TMX2: variants seen among roughly 807,000 people sequenced by gnomAD.
The protein encoded by TMX2 is thioredoxin related transmembrane protein 2.
A neutral mutation model predicts 33.4 loss-of-function variants in TMX2; 20 were observed. That is an observed-to-expected ratio of 0.60 (90% CI 0.42 to 0.87). TMX2 has a LOEUF of 0.87. Among genes scored for constraint, TMX2 ranks in the 40% least tolerant of loss-of-function variants. TMX2 has a pLI of 0.00. For synonymous variants in TMX2, 166 were observed against 140.7 expected, an observed-to-expected ratio of 1.18 and a Z score of -1.27; for missense variants, 340 against 370.7, an observed-to-expected ratio of 0.92 and a Z score of 0.68.
At chr11:57,730,098 C>T (rs1324654077) in intron 1 of TMX2, among the ~76,000 whole-genome samples, 6 of 142,112 alleles carry the variant, frequency 4.2e-5, no homozygotes, top group South Asian at 2.3e-4. Context: ...AGCAAGACTC[C>T]GTTTCCCCCC....
intron 1 of TMX2, among the ~76,000 whole-genome samples, chr11:57,734,945 C>T (rs569537675): frequency 6.6e-6 from 1 of 150,978 alleles, no homozygotes; most frequent in Non-Finnish European, 1.5e-5. Context: ...ACCATCCTGG[C>T]CAACGTGGTG....
intron 1 of TMX2, among the ~76,000 whole-genome samples, chr11:57,715,061 T>G (rs1946886450): frequency 6.6e-6 from 1 of 152,202 alleles, no homozygotes; most frequent in South Asian, 2.1e-4. Context: ...TCAGAAACCT[T>G]TATTTGTCAG....
intron 1 of TMX2, among the ~76,000 whole-genome samples, chr11:57,735,530 T>C (rs1238037198): frequency 6.6e-6 from 1 of 152,048 alleles, no homozygotes; most frequent in Non-Finnish European, 1.5e-5. Context: ...TTATTTCTCA[T>C]AAAAAGTTGC....
intron 1 of TMX2, among the ~76,000 whole-genome samples, chr11:57,736,461 T>C (rs1431434649): frequency 6.6e-6 from 1 of 152,136 alleles, no homozygotes; most frequent in Admixed American, 6.5e-5. Flanking sequence ...AAGAAGGTTG[T>C]TCTAGAAGGT....
chr11:57,738,555 T>G (rs1287394009), intron 4 of TMX2, 109 bp from the exon 5 acceptor site: 13 of 1,243,862 alleles, frequency 1.0e-5, no homozygotes, highest in Admixed American at 3.4e-5. Flanking sequence ...TGGTTCATTA[T>G]GAGAGCCGGG....
intron 7 of TMX2, 116 bp downstream of exon 7, chr11:57,739,376 A>T: frequency 5.1e-6 from 5 of 974,668 alleles, no homozygotes; most frequent in Non-Finnish European, 7.9e-6. Context: ...GAGGGTGTGG[A>T]CTAGTTACTA....
At chr11:57,738,315 C>T (rs769057440) in intron 3 of TMX2, 39 bp from the exon 4 acceptor site, 41 of 1,473,476 alleles carry the variant, frequency 2.8e-5, no homozygotes, top group Non-Finnish European at 3.6e-5. Context: ...CTGTGTAAGG[C>T]TTTTTATGTT....
chr11:57,723,907 G>A (rs1947805081), intron 1 of TMX2, among the ~76,000 whole-genome samples: 1 of 149,414 alleles, frequency 6.7e-6, no homozygotes, highest in African/African-American at 2.5e-5. Context: ...TTTTAAAAAG[G>A]AAAACAAAAC....
At chr11:57,728,310 C>T (rs1002063661) in intron 1 of TMX2, among the ~76,000 whole-genome samples, 1 of 152,122 alleles carries the variant, frequency 6.6e-6, no homozygotes, top group Non-Finnish European at 1.5e-5. Context: ...CTACAGGCGC[C>T]CGCCACCATG....
At chr11:57,716,184 C>T (rs371039434) in intron 1 of TMX2, among the ~76,000 whole-genome samples, 5 of 151,682 alleles carry the variant, frequency 3.3e-5, no homozygotes, top group Admixed American at 6.6e-5. Context: ...CCTCACCTCC[C>T]GGACCGGGCG....
At chr11:57,717,256 C>T (rs541204480) in intron 1 of TMX2, among the ~76,000 whole-genome samples, 31 of 147,378 alleles carry the variant, frequency 2.1e-4, no homozygotes, top group South Asian at 4.3e-4. Flanking sequence ...ACGTCCCAGA[C>T]GATGGGCGGC....
intron 1 of TMX2, 150 bp downstream of exon 1, chr11:57,712,957 A>G: frequency 1.2e-6 from 1 of 809,862 alleles, no homozygotes; most frequent in Non-Finnish European, 1.9e-6. Context: ...GGTCCGAACC[A>G]TCATCGAGTC....
At chr11:57,717,916 G>T in intron 1 of TMX2, 1 of 643,108 alleles carries the variant, frequency 1.6e-6, no homozygotes. Flanking sequence ...GGAACCCAAA[G>T]GGAACTGCAG....
rs151235817 is a variant in TMX2 at position 57,712,698 on chromosome 11, T to A, written c.80T>A (p.Leu27His). 6.2e-7 allele frequency: 1 copy of A among 1,614,064 alleles called. No individual in the cohort carries two copies. Among genetic ancestry groups the A allele is most frequent in the African/African-American group, 1.3e-5 (1 of 74,926 alleles). The change falls in exon 1 of 8, where the codon CTT becomes CAT. Residue 27 changes from leucine to histidine, a missense_variant. By Grantham distance (99) the Leu-to-His change is moderately conservative. Transcript: ENST00000278422. ...LSRWLAQPYY[L>H]LSALLSAAFL... The stretch of plus-strand genomic sequence containing the variant: ...CGATGGCTCGCCCAACCTTACTACC[T>A]TCTGTCGGCCCTGCTCTCTGCTGCC...
Position 57,739,150 on chromosome 11 carries a change from C to A in TMX2, c.634C>A (p.Pro212Thr), listed in dbSNP as rs138945359. The A allele has an allele frequency of 1.7e-5, 28 of 1,614,092 alleles. No individual in the cohort carries two copies. The highest frequency in any genetic ancestry group is 2.4e-5 in the Non-Finnish European group (28 of 1,180,014). The change falls in exon 7 of 8, where the codon CCC (proline) becomes ACC (threonine). Residue 212 changes from proline to threonine, a missense_variant. Coordinates refer to ENST00000278422, the MANE Select transcript of TMX2 (RefSeq NM_015959.4). Reference protein sequence around the residue: ...VSTRYKVSTSPLTKQLPTLIL... With the variant: ...VSTRYKVSTSTLTKQLPTLIL... Reference sequence around the variant, plus strand: ...CTGCAGGTACAAAGTGAGCACATCACCCCTCACCAAGCAACTCCCTACCCT... The same window carrying A: ...CTGCAGGTACAAAGTGAGCACATCAACCCTCACCAAGCAACTCCCTACCCT...
intron 2 of TMX2, 110 bp downstream of exon 2, chr11:57,737,778 A>C (rs1948844053): frequency 6.3e-7 from 1 of 1,587,980 alleles, no homozygotes; most frequent in African/African-American, 1.3e-5. Context: ...CCTACGTTTA[A>C]TTCCAAGGCT....
intron 1 of TMX2, among the ~76,000 whole-genome samples, chr11:57,730,598 A>G (rs950552001): frequency 3.5e-4 from 51 of 144,808 alleles, no homozygotes; most frequent in African/African-American, 1.3e-3. Context: ...TTAGCCAGGC[A>G]TTGGTGGTGG....
At chr11:57,726,391 C>T (rs956946093) in intron 1 of TMX2, among the ~76,000 whole-genome samples, 4 of 151,434 alleles carry the variant, frequency 2.6e-5, no homozygotes, top group Admixed American at 6.6e-5. Flanking sequence ...CTGGCCTGGG[C>T]GACAGAGCCA....
intron 7 of TMX2, among the ~76,000 whole-genome samples, chr11:57,739,582 AC>A (rs1215038647): frequency 3.3e-5 from 5 of 152,158 alleles, no homozygotes; most frequent in African/African-American, 1.2e-4. Context: ...ACATGGAGAA[AC>A]CCCGTGTCTA....
Sources: allele counts gnomAD v4.1 joint callset (sites outside exome capture counted in the v4.1 genomes callset), GRCh38; gene constraint gnomAD v4.1.1; transcripts MANE v1.5; gene names NCBI Gene and HGNC (gene_info 2026-07-23, HGNC 2026-07-21).